The following CHST13 variants were observed in gnomAD, a reference collection of about 807,000 sequenced individuals.
CHST13 encodes the protein carbohydrate sulfotransferase 13.
CHST13 carries 1 observed loss-of-function variant against 7.0 expected under a neutral mutation model. The ratio of observed to expected loss-of-function variants is 0.14; its 90% CI spans 0.05 to 0.68. The LOEUF is 0.68. Among genes scored for constraint, CHST13 ranks in the 30% least tolerant of loss-of-function variants. The pLI is 0.82. For synonymous variants in CHST13, 257 were observed against 240.9 expected (o/e 1.07, Z -0.62); for missense variants, 572 against 507.9 (o/e 1.13, Z -1.21).
Position 126,542,297 on chromosome 3 carries a change from C to T in CHST13, c.745C>T (p.Arg249Cys). The change falls in exon 3 of 3, where the codon CGC becomes TGC. Residue 249 changes from arginine to cysteine, a missense_variant. Coordinates refer to ENST00000319340, the MANE Select transcript of CHST13 (RefSeq NM_152889.3). ...GGAGCCCTTCAACGAGCACTGGGAG[C>T]GCGCGCACGCGCTCTGCCACCCGTG... ...REEPFNEHWERAHALCHPCRL... is the reference protein window; with the variant it reads ...REEPFNEHWECAHALCHPCRL... The T allele has an allele frequency of 1.3e-6, 2 of 1,564,230 alleles. No individual in the cohort carries two copies. Among genetic ancestry groups the T allele is most frequent in the East Asian group, 2.4e-5 (1 of 40,938 alleles).
At chr3:126,533,779 G>C in intron 1 of CHST13, among the ~76,000 whole-genome samples, 1 of 152,092 alleles carries the variant, frequency 6.6e-6, no homozygotes, top group African/African-American at 2.4e-5. Flanking sequence ...TTTTTTGAAA[G>C]AGTTTATGAA....
At chr3:126,524,602 C>A (rs1381614648) in intron 1 of CHST13, among the ~76,000 whole-genome samples, 173 bp downstream of exon 1, 2 of 152,218 alleles carry the variant, frequency 1.3e-5, no homozygotes, top group African/African-American at 4.8e-5. Flanking sequence ...TAGACGCCCC[C>A]GCGAGCAAAG....
chr3:126,533,765 T>C (rs1406989917), intron 1 of CHST13, among the ~76,000 whole-genome samples: 2 of 152,206 alleles, frequency 1.3e-5, no homozygotes, highest in African/African-American at 4.8e-5. Flanking sequence ...TCTCTCCTCT[T>C]CTGTTTTTTG....
At chr3:126,538,465 C>A (rs949621985) in intron 2 of CHST13, among the ~76,000 whole-genome samples, 1 of 152,214 alleles carries the variant, frequency 6.6e-6, no homozygotes, top group Non-Finnish European at 1.5e-5. Context: ...ACATTCCCCC[C>A]GAACCCCCGG....
intron 1 of CHST13, among the ~76,000 whole-genome samples, chr3:126,530,468 A>T (rs1461498213): frequency 1.3e-5 from 2 of 151,630 alleles, no homozygotes; most frequent in South Asian, 2.1e-4. Context: ...CTGCCCCTCC[A>T]CCCCCTGCCC....
chr3:126,542,439 G>C lies in CHST13; in HGVS notation c.887G>C (p.Gly296Ala). ...TTCCCTGGGCCGCCGCGGCCCCGGG[G>C]AGCCGCCGCCTCCCGCGACCTGGCA... The part of the protein sequence containing the change: ...LSFPGPPRPR[G>A]AAASRDLAAR... Residue 296 changes from glycine (G) to alanine (A), a missense_variant, in exon 3 of 3, where the codon GGA becomes GCA. By Grantham distance (60) the Gly-to-Ala change is moderately conservative. Coordinates refer to ENST00000319340, the MANE Select transcript of CHST13 (RefSeq NM_152889.3). 2 of 1,560,164 alleles carry C rather than the reference G, an allele frequency of 1.3e-6. No homozygotes were observed. The highest frequency in any genetic ancestry group is 1.7e-6 in the Non-Finnish European group (2 of 1,155,338).
At chr3:126,540,095 G>C (rs865976929) in intron 2 of CHST13, among the ~76,000 whole-genome samples, 1 of 150,166 alleles carries the variant, frequency 6.7e-6, no homozygotes, top group African/African-American at 2.5e-5. Context: ...CACCACACAC[G>C]CACAGGACAC....
intron 1 of CHST13, among the ~76,000 whole-genome samples, chr3:126,531,228 C>T (rs1268999825): frequency 6.6e-6 from 1 of 152,238 alleles, no homozygotes; most frequent in African/African-American, 2.4e-5. Context: ...GGACCAGAAA[C>T]TCTAGAGGTG....
chr3:126,539,810 CA>C (rs1936901298), intron 2 of CHST13, among the ~76,000 whole-genome samples: 1 of 106,332 alleles, frequency 9.4e-6, no homozygotes, highest in Admixed American at 9.3e-5. Context: ...CCACACCACA[CA>C]CCACAAACAC....
intron 1 of CHST13, among the ~76,000 whole-genome samples, chr3:126,534,342 C>T (rs79807742): frequency 0.011 from 1,637 of 152,310 alleles, 18 homozygotes; most frequent in African/African-American, 0.037. Context: ...TATAGGTAAA[C>T]GGATTTTTAC....
At position 126,542,709 on chromosome 3, in the gene CHST13, G is replaced by C; in HGVS notation, c.*131G>C. The C allele has an allele frequency of 7.6e-7, 1 of 1,312,994 alleles. No individual in the cohort carries two copies. The highest frequency in any genetic ancestry group is 9.8e-7 in the Non-Finnish European group (1 of 1,023,578). The allele number at this position is 1,312,994 out of a possible 1,614,324, so 81.3% of individuals were successfully genotyped here. Reference sequence around the variant, plus strand: ...GTGCACTCACCTGGCCGCCGGGCCAGCGGGCGCAGGGCACACCTGGCCAGG... The same window carrying C: ...GTGCACTCACCTGGCCGCCGGGCCACCGGGCGCAGGGCACACCTGGCCAGG... On this transcript the variant is annotated 3_prime_UTR_variant, in exon 3 of 3. Transcript: ENST00000319340.
intron 1 of CHST13, chr3:126,526,894 A>G (rs896432917): frequency 3.9e-5 from 6 of 152,260 alleles, no homozygotes; most frequent in African/African-American, 1.4e-4. Flanking sequence ...CATGGTGACC[A>G]TGCTTCCCGT....
Position 126,542,295 on chromosome 3 carries a change from A to T in CHST13, c.743A>T (p.Glu248Val). 4 of 1,566,768 alleles carry T rather than the reference A, an allele frequency of 2.6e-6. No individual in the cohort carries two copies. Among genetic ancestry groups the T allele is most frequent in the Non-Finnish European group, 3.4e-6 (4 of 1,161,160 alleles). The part of the protein sequence containing the change: ...RREEPFNEHW[E>V]RAHALCHPCR... Reference sequence around the variant, plus strand: ...GAGGAGCCCTTCAACGAGCACTGGGAGCGCGCGCACGCGCTCTGCCACCCG... The same window carrying T: ...GAGGAGCCCTTCAACGAGCACTGGGTGCGCGCGCACGCGCTCTGCCACCCG... Residue 248 changes from glutamate (E) to valine (V), a missense_variant, in exon 3 of 3, where the codon GAG becomes GTG. Transcript: ENST00000319340.
At chr3:126,538,556 C>T (rs556577769) in intron 2 of CHST13, among the ~76,000 whole-genome samples, 4 of 152,350 alleles carry the variant, frequency 2.6e-5, no homozygotes, top group African/African-American at 7.2e-5. Context: ...CAGCCGGGGT[C>T]GGCCAGCAAG....
At chr3:126,528,705 A>G (rs1936585276) in intron 1 of CHST13, among the ~76,000 whole-genome samples, 1 of 152,190 alleles carries the variant, frequency 6.6e-6, no homozygotes, top group Non-Finnish European at 1.5e-5. Context: ...GGATCTGGGC[A>G]GACTGGGGTT....
In CHST13 at chr3:126,529,142, GCGCGAGCCCTGCTTTGGC is replaced by G. The variant is rs373765799; in HGVS notation, c.97+4714_97+4731del. On this transcript the variant is annotated intron_variant, in intron 1 of 2. Coordinates refer to ENST00000319340, the MANE Select transcript of CHST13 (RefSeq NM_152889.3). ...TGGCTGTGCCCTCACCCTGCACAGG[GCGCGAGCCCTGCTTTGGC>G]TGAGGTGGGTGTGCAGAGGAGGATG... The G allele has an allele frequency of 1.0e-2, 3,765 of 378,130 alleles. 82 individuals are homozygous for G. The highest frequency in any genetic ancestry group is 0.085 in the African/African-American group (3,197 of 37,552). The allele number at this position is 378,130 out of a possible 1,614,324, so 23.4% of individuals were successfully genotyped here. A position where few individuals can be genotyped will look rare whatever the true frequency, so the allele number is the denominator to read the frequency against.
At position 126,542,058 on chromosome 3, in the gene CHST13, C is replaced by T; in HGVS notation, c.506C>T (p.Ala169Val). ...AACCGGCGCCTGCGCGCCTACTTGGCCTTCCTGTTCGTGCGGGAGCCCTTC... is the reference window on the plus strand; with the variant it reads ...AACCGGCGCCTGCGCGCCTACTTGGTCTTCCTGTTCGTGCGGGAGCCCTTC... ...EINRRLRAYL[A>V]FLFVREPFER... Residue 169 changes from alanine to valine, a missense_variant, in exon 3 of 3, where the codon GCC (alanine) becomes GTC (valine). Physicochemically the swap from Ala to Val is moderately conservative, Grantham distance 64. Coordinates refer to ENST00000319340, the MANE Select transcript of CHST13 (RefSeq NM_152889.3). 1 of 1,581,336 alleles carries T rather than the reference C, an allele frequency of 6.3e-7. No homozygotes were observed. Among genetic ancestry groups the T allele is most frequent in the Non-Finnish European group, 8.6e-7 (1 of 1,167,816 alleles).
chr3:126,542,548 C>A lies in CHST13; in HGVS notation c.996C>A (p.Tyr332Ter). 1 of 1,516,358 alleles carries A rather than the reference C, an allele frequency of 6.6e-7. No individual in the cohort carries two copies. The allele number at this position is 1,516,358 out of a possible 1,614,324, so 93.9% of individuals were successfully genotyped here. Residue 332 changes from tyrosine to a stop codon, truncating the protein, a stop_gained, in exon 3 of 3, where the codon TAC becomes TAA. Coordinates refer to ENST00000319340, the MANE Select transcript of CHST13 (RefSeq NM_152889.3). LOFTEE classifies it high-confidence loss of function. ...LYKMDFLLFN[Y>*]SAPSYLRLL ...AGATGGACTTCCTGCTTTTCAACTA[C>A]TCCGCCCCCTCCTACCTGCGGCTGC...
At chr3:126,530,247 A>C (rs934546215) in intron 1 of CHST13, among the ~76,000 whole-genome samples, 2 of 152,234 alleles carry the variant, frequency 1.3e-5, no homozygotes, top group African/African-American at 4.8e-5. Flanking sequence ...GGCCACAGCT[A>C]TTCTGAGCCT....
Sources: allele counts gnomAD v4.1 joint callset (sites outside exome capture counted in the v4.1 genomes callset), GRCh38; gene constraint gnomAD v4.1.1; transcripts MANE v1.5; gene names NCBI Gene and HGNC (gene_info 2026-07-23, HGNC 2026-07-21).